Variants in POLA1 observed in about 807,000 individuals in gnomAD.
POLA1 encodes the protein DNA polymerase alpha 1, catalytic subunit.
In POLA1, 15 loss-of-function variants were observed where a neutral mutation model predicts 124.0. The observed-to-expected ratio is 0.12, with a 90% CI of 0.08 to 0.19. The LOEUF is 0.19. Ranked by LOEUF, POLA1 falls within the 10% of genes least tolerant of loss-of-function variation. POLA1 has a pLI of 1.00. For missense variants in POLA1, 886 were observed against 1,103.4 expected, an observed-to-expected ratio of 0.80 and a Z score of 2.79; for synonymous variants, 408 against 389.4, an observed-to-expected ratio of 1.05 and a Z score of -0.56.
At chrX:24,815,247 A>C in intron 30 of POLA1, 136 bp downstream of exon 30, 8 of 561,372 alleles carry the variant, frequency 1.4e-5, no homozygotes, top group Non-Finnish European at 2.2e-5. Flanking sequence ...CAACTATCTC[A>C]CAGATTGAGT....
At chrX:24,904,585 T>A (rs2047333439) in intron 35 of POLA1, among the ~76,000 whole-genome samples, 1 of 110,873 alleles carries the variant, frequency 9.0e-6, no homozygotes, top group African/African-American at 3.3e-5. Flanking sequence ...TGGTCCTAAA[T>A]GGAGTACAGT....
intron 26 of POLA1, among the ~76,000 whole-genome samples, chrX:24,809,367 C>T (rs976824498): frequency 1.8e-5 from 2 of 111,610 alleles, no homozygotes; most frequent in Non-Finnish European, 3.8e-5. Flanking sequence ...TATCCACGTT[C>T]GTCTTAATTC....
chrX:24,922,425 A>G (rs1199418209), intron 35 of POLA1, among the ~76,000 whole-genome samples: 2 of 111,003 alleles, frequency 1.8e-5, no homozygotes, highest in Non-Finnish European at 3.8e-5. Context: ...ATTCCCATCT[A>G]TGAAACAGAT....
chrX:24,853,731 T>C (rs2046599224), intron 34 of POLA1, among the ~76,000 whole-genome samples: 1 of 111,378 alleles, frequency 9.0e-6, no homozygotes, highest in Non-Finnish European at 1.9e-5. Flanking sequence ...TTTGAGAAGA[T>C]GTCTGCCAGA....
intron 1 of POLA1, among the ~76,000 whole-genome samples, chrX:24,698,969 A>G (rs1202004085): frequency 1.8e-5 from 2 of 112,187 alleles, no homozygotes; most frequent in Non-Finnish European, 3.8e-5. Flanking sequence ...TGTGTCTCAT[A>G]GTGCCTAGTA....
At chrX:24,911,286 A>G (rs1208211572) in intron 35 of POLA1, among the ~76,000 whole-genome samples, 3 of 111,923 alleles carry the variant, frequency 2.7e-5, no homozygotes, top group Non-Finnish European at 5.6e-5. Flanking sequence ...TCATGAACAC[A>G]CAAAATCAGT....
At chrX:24,708,946 T>C (rs1352972718) in intron 4 of POLA1, among the ~76,000 whole-genome samples, 7 of 58,526 alleles carry the variant, frequency 1.2e-4, no homozygotes, top group African/African-American at 3.6e-4. Context: ...GGCTCCTCAC[T>C]TCCCAGTAGG....
At chrX:24,936,138 T>C (rs1431828211) in intron 36 of POLA1, among the ~76,000 whole-genome samples, 1 of 112,415 alleles carries the variant, frequency 8.9e-6, no homozygotes, top group Non-Finnish European at 1.9e-5. Context: ...TTATATTACT[T>C]TGTGGAAAAT....
chrX:24,721,740 C>T (rs776011037), intron 10 of POLA1, among the ~76,000 whole-genome samples: 2 of 112,153 alleles, frequency 1.8e-5, no homozygotes, highest in South Asian at 7.4e-4. Flanking sequence ...TTACCATGAT[C>T]TTTGTTGTGT....
chrX:24,781,279 C>T (rs1310330571), intron 26 of POLA1, among the ~76,000 whole-genome samples: 1 of 111,420 alleles, frequency 9.0e-6, no homozygotes, highest in African/African-American at 3.3e-5. Context: ...GTAGACATCC[C>T]TCCATTTTTG....
At chrX:24,709,141 C>A (rs1296195157) in intron 4 of POLA1, among the ~76,000 whole-genome samples, 1 of 71,879 alleles carries the variant, frequency 1.4e-5, no homozygotes, top group Non-Finnish European at 2.7e-5. Flanking sequence ...TAGGGGCGGC[C>A]GGGCAGAGGC....
chrX:24,729,104 CTG>C (rs770685090), intron 15 of POLA1, among the ~76,000 whole-genome samples: 113 of 112,268 alleles, frequency 1.0e-3, no homozygotes, highest in Non-Finnish European at 1.7e-3. Flanking sequence ...ATTAGTGAGT[CTG>C]TGTCTGATTA....
chrX:24,740,851 C>T (rs1770146911), intron 20 of POLA1, among the ~76,000 whole-genome samples: 1 of 111,973 alleles, frequency 8.9e-6, no homozygotes, highest in African/African-American at 3.2e-5. Flanking sequence ...GTCTCTGCTT[C>T]TGATACTTAA....
At chrX:24,921,224 A>G (rs185470853) in intron 35 of POLA1, among the ~76,000 whole-genome samples, 1 of 112,873 alleles carries the variant, frequency 8.9e-6, no homozygotes, top group Non-Finnish European at 1.9e-5. Flanking sequence ...ATTGTTTAGC[A>G]GAGTAATTCA....
intron 36 of POLA1, among the ~76,000 whole-genome samples, chrX:24,949,247 A>C (rs2048003619): frequency 8.9e-6 from 1 of 111,785 alleles, no homozygotes; most frequent in Non-Finnish European, 1.9e-5. Context: ...GAACACCTCA[A>C]ATTTCTAAAT....
At chrX:24,698,091 G>A (rs1220298516) in intron 1 of POLA1, among the ~76,000 whole-genome samples, 1 of 110,265 alleles carries the variant, frequency 9.1e-6, no homozygotes, top group African/African-American at 3.3e-5. Context: ...ACAGGTGCCT[G>A]CCATCACACC....
At chrX:24,960,452 G>A (rs1477944097) in intron 36 of POLA1, among the ~76,000 whole-genome samples, 2 of 111,633 alleles carry the variant, frequency 1.8e-5, no homozygotes, top group Admixed American at 1.9e-4. Context: ...AGAGCTGACG[G>A]CGAGTGAACC....
chrX:24,960,745 C>T (rs1314611121), intron 36 of POLA1, among the ~76,000 whole-genome samples: 2 of 111,224 alleles, frequency 1.8e-5, no homozygotes, highest in Non-Finnish European at 3.8e-5. Context: ...TTTATTTGTC[C>T]ATAAGTATGT....
intron 36 of POLA1, among the ~76,000 whole-genome samples, chrX:24,945,967 G>C (rs1472562985): frequency 1.8e-5 from 2 of 111,538 alleles, no homozygotes; most frequent in East Asian, 2.8e-4. Context: ...ACTGTTTTCT[G>C]GTAATGAGCA....
Sources: gnomAD v4.1 joint callset for allele counts (sites outside exome capture counted in the v4.1 genomes callset) on GRCh38, gnomAD v4.1.1 for gene constraint, MANE v1.5 for transcripts, NCBI Gene and HGNC (gene_info 2026-07-23, HGNC 2026-07-21) for gene names.